The following MTAP variants were observed in gnomAD, a reference collection of about 807,000 sequenced individuals.
The protein encoded by MTAP is S-methyl-5'-thioadenosine phosphorylase.
MTAP carries 33 observed loss-of-function variants against 33.6 expected under a neutral mutation model. The ratio of observed to expected loss-of-function variants is 0.98; its 90% CI spans 0.74 to 1.31. The LOEUF is 1.31. Among genes scored for constraint, MTAP ranks in the 40% most tolerant of loss-of-function variants. MTAP has a pLI of 0.00. For synonymous variants in MTAP, 148 were observed against 125.7 expected, an observed-to-expected ratio of 1.18 and a Z score of -1.19; for missense variants, 367 against 360.0, an observed-to-expected ratio of 1.02 and a Z score of -0.16.
chr9:21,824,229 G>T (rs1824724974), intron 4 of MTAP, among the ~76,000 whole-genome samples: 3 of 152,128 alleles, frequency 2.0e-5, no homozygotes, highest in Admixed American at 2.0e-4. Flanking sequence ...CCATCTTTGT[G>T]GTTTTATCTA....
intron 4 of MTAP, among the ~76,000 whole-genome samples, chr9:21,825,972 A>AT (rs1824787519): frequency 6.6e-6 from 1 of 151,688 alleles, no homozygotes; most frequent in African/African-American, 2.4e-5. Context: ...TCCTTTGCCT[A>AT]TTTTTTTAAT....
intron 1 of MTAP, among the ~76,000 whole-genome samples, chr9:21,924,358 T>A (rs1818833077): frequency 6.6e-6 from 1 of 152,186 alleles, no homozygotes; most frequent in African/African-American, 2.4e-5. Flanking sequence ...AGGAAAAGGC[T>A]AATATTTTTC....
downstream of MTAP, chr9:21,935,352 A>G (rs1212545898): frequency 3.3e-5 from 5 of 152,126 alleles, no homozygotes; most frequent in Admixed American, 6.5e-5. Context: ...AAATTTGAGA[A>G]CTGCAATGTG....
At chr9:21,804,038 G>A (rs890773248) in intron 1 of MTAP, among the ~76,000 whole-genome samples, 4 of 152,200 alleles carry the variant, frequency 2.6e-5, no homozygotes, top group African/African-American at 9.7e-5. Flanking sequence ...TTGTTTGGCG[G>A]AAACAAGGCA....
chr9:21,926,248 A>G (rs187386478), intron 1 of MTAP, among the ~76,000 whole-genome samples: 2 of 152,314 alleles, frequency 1.3e-5, no homozygotes, highest in South Asian at 2.1e-4. Flanking sequence ...ACCTCTGGCC[A>G]AAAGGGACTT....
chr9:21,915,115 C>T (rs1818666566), intron 1 of MTAP, among the ~76,000 whole-genome samples: 1 of 142,758 alleles, frequency 7.0e-6, no homozygotes, highest in Admixed American at 7.2e-5. Context: ...CAGAGTCTTG[C>T]CCTCTCACCC....
intron 6 of MTAP, 148 bp from the exon 7 acceptor site, chr9:21,859,155 T>TA: frequency 8.6e-7 from 1 of 1,167,774 alleles, no homozygotes; most frequent in South Asian, 1.7e-5. Context: ...AACCTCCAAA[T>TA]ACCCTACATT....
intron 1 of MTAP, among the ~76,000 whole-genome samples, chr9:21,894,300 C>G (rs4977742): frequency 0.23 from 35,085 of 151,032 alleles, 4,372 homozygotes; most frequent in Admixed American, 0.36. Context: ...TAACATCATA[C>G]TCAACAGGCA....
At chr9:21,837,096 G>A (rs920297643) in intron 4 of MTAP, among the ~76,000 whole-genome samples, 5 of 152,172 alleles carry the variant, frequency 3.3e-5, no homozygotes, top group Admixed American at 6.5e-5. Context: ...GAAATTTCCA[G>A]GTGACTTGGT....
At chr9:21,931,396 C>T (rs1818956151), downstream of MTAP, 1 of 482,524 alleles carries the variant, frequency 2.1e-6, no homozygotes, top group African/African-American at 2.0e-5. Flanking sequence ...AGGTGAGCAT[C>T]AGATGATCAT....
At chr9:21,822,459 C>G (rs1824668264) in intron 4 of MTAP, among the ~76,000 whole-genome samples, 2 of 152,126 alleles carry the variant, frequency 1.3e-5, no homozygotes, top group African/African-American at 2.4e-5. Context: ...TTTCTTAATC[C>G]TGAGTTCTAG....
At chr9:21,826,188 C>CT (rs35502549) in intron 4 of MTAP, among the ~76,000 whole-genome samples, 2,585 of 138,706 alleles carry the variant, frequency 0.019, 60 homozygotes, top group African/African-American at 0.062. Flanking sequence ...AGAACATTTT[C>CT]TTTTTTTTTT....
chr9:21,802,723 A>G lies in MTAP; in HGVS notation c.-26A>G. On this transcript the variant is annotated 5_prime_UTR_variant, in exon 1 of 8. Coordinates refer to ENST00000644715, the MANE Select transcript of MTAP (RefSeq NM_002451.4). The stretch of plus-strand genomic sequence containing the variant: ...TTCCCTTAGTCCCGAGCGCTCGCCC[A>G]CTGCAGATTCCTTTCCCGTGCAGAC... 6.2e-7 allele frequency: 1 copy of G among 1,610,730 alleles called. No homozygotes were observed. Among genetic ancestry groups the G allele is most frequent in the Non-Finnish European group, 8.5e-7 (1 of 1,179,330 alleles).
chr9:21,878,834 G>A (rs1826049488), intron 1 of MTAP, among the ~76,000 whole-genome samples: 1 of 152,136 alleles, frequency 6.6e-6, no homozygotes, highest in African/African-American at 2.4e-5. Flanking sequence ...TTCAGGAGCA[G>A]GTTGTTTAAT....
chr9:21,875,248 A>C (rs762866019), intron 1 of MTAP, among the ~76,000 whole-genome samples: 5 of 152,018 alleles, frequency 3.3e-5, no homozygotes, highest in Admixed American at 6.6e-5. Context: ...TTGAGGAATC[A>C]CCACACTGTA....
rs116837109 is a variant in MTAP at position 21,808,306 on chromosome 9, C to T, written c.33+5525C>T. Among the ~76,000 whole-genome samples, 1,342 of 152,060 alleles carry T rather than the reference C, an allele frequency of 8.8e-3. 18 individuals are homozygous for T. The highest frequency in any genetic ancestry group is 0.03 in the African/African-American group (1,227 of 41,500). ...TGGCTTAAGACAACACACATGAGGC[C>T]GGGCATGGTGGCTCATGCCTGTAAT... On this transcript the variant is annotated intron_variant, in intron 1 of 7. Transcript: ENST00000644715.
At chr9:21,929,230 T>C (rs1818915716) in intron 1 of MTAP, among the ~76,000 whole-genome samples, 1 of 152,122 alleles carries the variant, frequency 6.6e-6, no homozygotes, top group African/African-American at 2.4e-5. Flanking sequence ...AGAATACACT[T>C]GTGAGGCACT....
rs138077347 is a variant in MTAP, at chr9:21,922,619, G to A, written c.148-8389G>A. Among the ~76,000 whole-genome samples, 198 of 152,206 alleles carry A rather than the reference G, an allele frequency of 1.3e-3. No homozygotes were observed. The highest frequency in any genetic ancestry group is 4.6e-3 in the African/African-American group (190 of 41,512). Reference sequence around the variant, plus strand: ...CTTTGATGCCACATGGCTTGGATACGTTCCCCAGTGGTAAGAAATCTCTAT... The same window carrying A: ...CTTTGATGCCACATGGCTTGGATACATTCCCCAGTGGTAAGAAATCTCTAT... On this transcript the variant is annotated intron_variant, in intron 1 of 1. Transcript: ENST00000577563. The surrounding 1 kb of genome is among the most constrained non-coding windows in gnomAD (Gnocchi z 4.8).
downstream of MTAP, chr9:21,934,026 A>C (rs1819004399): frequency 6.6e-6 from 1 of 152,276 alleles, no homozygotes; most frequent in Non-Finnish European, 1.5e-5. The surrounding 1 kb of genome is among the most constrained non-coding windows in gnomAD (Gnocchi z 5.0). Flanking sequence ...TGAATGATTC[A>C]CAAATCAGGC....
Sources: allele counts gnomAD v4.1 joint callset (sites outside exome capture counted in the v4.1 genomes callset), GRCh38; gene constraint gnomAD v4.1.1; non-coding constraint Gnocchi (gnomAD v3.1); transcripts MANE v1.5; gene names NCBI Gene and HGNC (gene_info 2026-07-23, HGNC 2026-07-21).